Variants in CSMD1 observed in about 807,000 individuals in gnomAD.
CSMD1 encodes the protein CUB and Sushi multiple domains 1.
In CSMD1, 213 loss-of-function variants were observed where a neutral mutation model predicts 417.5. The ratio of observed to expected loss-of-function variants is 0.51; its 90% CI spans 0.46 to 0.57. The LOEUF (loss-of-function observed/expected upper bound fraction) is 0.57, where lower values mean the gene tolerates loss of function less well. Among genes scored for constraint, CSMD1 ranks in the 20% least tolerant of loss-of-function variants. The pLI, the probability that CSMD1 is intolerant of heterozygous loss-of-function variation, is 0.00. For missense variants in CSMD1, 6,923 were observed against 4,529.7 expected (o/e 1.53, Z -15.17); for synonymous variants, 2,862 against 1,736.8 (o/e 1.65, Z -16.11).
At chr8:3,271,508 A>T (rs1461952237) in intron 26 of CSMD1, among the ~76,000 whole-genome samples, 3 of 147,414 alleles carry the variant, frequency 2.0e-5, no homozygotes, top group Non-Finnish European at 3.0e-5. Flanking sequence ...GTCCACACTG[A>T]CTTCCACAAT....
intron 12 of CSMD1, among the ~76,000 whole-genome samples, chr8:3,416,840 C>G (rs1285681750): frequency 6.6e-6 from 1 of 152,214 alleles, no homozygotes. Flanking sequence ...TGAATGACAG[C>G]TTTATCAGGT....
intron 41 of CSMD1, chr8:3,128,558 A>G (rs946521639): frequency 1.5e-5 from 4 of 264,908 alleles, no homozygotes; most frequent in African/African-American, 9.0e-5. Context: ...TCTCAAGTAG[A>G]ACCTAGGAAT....
chr8:3,366,488 T>C (rs80010529), intron 20 of CSMD1, among the ~76,000 whole-genome samples: 4,589 of 152,300 alleles, frequency 0.03, 96 homozygotes, highest in East Asian at 0.08. Flanking sequence ...ATTATCTATA[T>C]ATTATCATTA....
chr8:4,512,705 GA>G (rs1802888716), intron 2 of CSMD1, among the ~76,000 whole-genome samples: 1 of 151,622 alleles, frequency 6.6e-6, no homozygotes, highest in Non-Finnish European at 1.5e-5. Context: ...ACCCCAAAAT[GA>G]AATACTTAGA....
At chr8:4,363,361 T>C (rs923044536) in intron 3 of CSMD1, among the ~76,000 whole-genome samples, 2 of 152,196 alleles carry the variant, frequency 1.3e-5, no homozygotes, top group South Asian at 2.1e-4. Flanking sequence ...CGTATGTGTA[T>C]GCATGTGCGT....
At chr8:4,030,055 T>C (rs1029966040) in intron 4 of CSMD1, among the ~76,000 whole-genome samples, 5 of 152,214 alleles carry the variant, frequency 3.3e-5, no homozygotes, top group African/African-American at 9.6e-5. Flanking sequence ...TGTACCCCTG[T>C]GACTTTGAAG....
At chr8:4,453,067 T>A (rs1278171183) in intron 2 of CSMD1, among the ~76,000 whole-genome samples, 1 of 152,138 alleles carries the variant, frequency 6.6e-6, no homozygotes, top group East Asian at 1.9e-4. Context: ...GGACCATGAA[T>A]GGTGATAAGC....
At chr8:3,910,263 C>T (rs572161790) in intron 5 of CSMD1, among the ~76,000 whole-genome samples, 2 of 152,080 alleles carry the variant, frequency 1.3e-5, no homozygotes, top group African/African-American at 2.4e-5. Flanking sequence ...AGAGGCGTTT[C>T]CCAGCTGCTC....
chr8:4,456,712 G>A (rs1009641177), intron 2 of CSMD1, among the ~76,000 whole-genome samples: 1 of 152,036 alleles, frequency 6.6e-6, no homozygotes, highest in African/African-American at 2.4e-5. Flanking sequence ...ACAGGCATGT[G>A]GACCCCCTGC....
chr8:3,251,555 T>C (rs998620348), intron 26 of CSMD1, among the ~76,000 whole-genome samples: 1 of 152,182 alleles, frequency 6.6e-6, no homozygotes, highest in Non-Finnish European at 1.5e-5. Flanking sequence ...GGGCTCTTTT[T>C]TGGTTCCATA....
intron 6 of CSMD1, among the ~76,000 whole-genome samples, chr8:3,734,354 C>A (rs1255075176): frequency 1.3e-5 from 2 of 152,156 alleles, no homozygotes; most frequent in African/African-American, 2.4e-5. Flanking sequence ...GGCTGTTCGA[C>A]AGCATCGTAG....
At chr8:3,860,759 G>C (rs1405681545) in intron 5 of CSMD1, among the ~76,000 whole-genome samples, 3 of 152,152 alleles carry the variant, frequency 2.0e-5, no homozygotes, top group East Asian at 1.9e-4. Context: ...AGGTAAGTTT[G>C]AAGGGAGAGA....
chr8:4,062,397 G>C (rs17068837), intron 3 of CSMD1, among the ~76,000 whole-genome samples: 18,067 of 151,988 alleles, frequency 0.12, 1,576 homozygotes, highest in East Asian at 0.35. Flanking sequence ...AGGGCAATGA[G>C]ACCAATCGGT....
At chr8:3,856,047 ACAT>A (rs1804287226) in intron 5 of CSMD1, among the ~76,000 whole-genome samples, 1 of 151,942 alleles carries the variant, frequency 6.6e-6, no homozygotes, top group South Asian at 2.1e-4. Context: ...TATGTCATTC[ACAT>A]CATACTGTGG....
At chr8:4,605,829 A>C (rs1193641554) in intron 2 of CSMD1, among the ~76,000 whole-genome samples, 1 of 152,144 alleles carries the variant, frequency 6.6e-6, no homozygotes, top group Non-Finnish European at 1.5e-5. Context: ...GATGGTGGAC[A>C]AGGGTTCGTG....
intron 3 of CSMD1, among the ~76,000 whole-genome samples, chr8:4,139,461 G>C (rs73176395): frequency 6.6e-6 from 1 of 151,182 alleles, no homozygotes. Flanking sequence ...CCCTGGAGGC[G>C]TGGACAGTCC....
chr8:3,538,774 G>C (rs145085699), intron 10 of CSMD1, among the ~76,000 whole-genome samples: 3 of 152,070 alleles, frequency 2.0e-5, no homozygotes, highest in Admixed American at 6.6e-5. Context: ...TATCCTACTC[G>C]GGAAGCCACA....
chr8:4,287,454 A>C (rs1797121434), intron 3 of CSMD1, among the ~76,000 whole-genome samples: 1 of 152,168 alleles, frequency 6.6e-6, no homozygotes, highest in Non-Finnish European at 1.5e-5. Context: ...ATATTGAGTA[A>C]TATTAGAAAT....
At chr8:4,953,118 G>A (rs887666999) in intron 1 of CSMD1, among the ~76,000 whole-genome samples, 2 of 152,084 alleles carry the variant, frequency 1.3e-5, no homozygotes, top group South Asian at 2.1e-4. Context: ...AATTGTAACA[G>A]TTATTAACTC....
Sources: allele counts gnomAD v4.1 joint callset (sites outside exome capture counted in the v4.1 genomes callset), GRCh38; gene constraint gnomAD v4.1.1; transcripts MANE v1.5; gene names NCBI Gene and HGNC (gene_info 2026-07-23, HGNC 2026-07-21).